Variants in SIPA1L1 observed in about 807,000 individuals in gnomAD.
SIPA1L1 encodes the protein signal induced proliferation associated 1 like 1.
SIPA1L1 carries 26 observed loss-of-function variants against 162.7 expected under a neutral mutation model. The observed-to-expected ratio is 0.16, with a 90% CI of 0.12 to 0.22. The LOEUF (loss-of-function observed/expected upper bound fraction) is 0.22. Ranked by LOEUF, SIPA1L1 falls within the 10% of genes least tolerant of loss-of-function variation. SIPA1L1 has a pLI of 1.00. For synonymous variants in SIPA1L1, 829 were observed against 837.4 expected (o/e 0.99, Z 0.17); for missense variants, 1,874 against 2,241.0 (o/e 0.84, Z 3.31).
chr14:71,466,365 G>A (rs956588888), intron 2 of SIPA1L1, among the ~76,000 whole-genome samples: 11 of 152,140 alleles, frequency 7.2e-5, no homozygotes, highest in African/African-American at 4.8e-5. Context: ...GAAGACAGGC[G>A]GATTGCATCT....
intron 2 of SIPA1L1, among the ~76,000 whole-genome samples, chr14:71,353,338 G>A (rs2036906989): frequency 6.6e-6 from 1 of 152,158 alleles, no homozygotes; most frequent in South Asian, 2.1e-4. Context: ...AATCATACAG[G>A]TGTCTGACCT....
chr14:71,515,603 A>G (rs924037062), intron 3 of SIPA1L1, among the ~76,000 whole-genome samples: 2 of 152,174 alleles, frequency 1.3e-5, no homozygotes, highest in African/African-American at 4.8e-5. Context: ...TGTAACCCAC[A>G]TAATATGGTC....
At position 71,346,267 on chromosome 14, in the gene SIPA1L1, CTA is replaced by C. The variant is rs1411159280; in HGVS notation, c.-465+25090_-465+25091del. Among the ~76,000 whole-genome samples the C allele has an allele frequency of 4.6e-5, 7 of 152,212 alleles. No homozygotes were observed. The South Asian group carries it at 1.2e-3, about 27-fold the overall frequency. ...GTAGTTTATAAATGGTGTGTTTAAA[CTA>C]TATGTGTGGAAATCTCAACCCTGTA... On this transcript the variant is annotated intron_variant, in intron 2 of 23. Transcript: ENST00000381232.
In SIPA1L1 at chr14:71,658,440, A is replaced by G; in HGVS notation, c.2097+4A>G. 9 of 1,502,182 alleles carry G rather than the reference A, an allele frequency of 6.0e-6. No individual in the cohort carries two copies. Among genetic ancestry groups the G allele is most frequent in the Non-Finnish European group, 7.4e-6 (8 of 1,078,082 alleles). The allele number at this position is 1,502,182 out of a possible 1,614,324, so 93.1% of individuals were successfully genotyped here. A position where few individuals can be genotyped will look rare whatever the true frequency, so the allele number is the denominator to read the frequency against. ...CACACCCAACAACAAACAACAGGTA[A>G]GAGATCCTCCTGTTATCTGTGTTTT... On this transcript the variant is annotated splice_donor_region_variant and intron_variant, in intron 9 of 23. Coordinates refer to ENST00000381232, the MANE Select transcript of SIPA1L1 (RefSeq NM_001386936.1).
chr14:71,598,597 CT>C (rs1338085654), intron 5 of SIPA1L1, among the ~76,000 whole-genome samples: 1 of 152,290 alleles, frequency 6.6e-6, no homozygotes, highest in African/African-American at 2.4e-5. Context: ...GACTAAGGAA[CT>C]CTTAGAATCT....
chr14:71,717,988 C>T (rs982202453), intron 17 of SIPA1L1, among the ~76,000 whole-genome samples: 10 of 152,174 alleles, frequency 6.6e-5, no homozygotes, highest in African/African-American at 1.4e-4. Context: ...ACTGCTGCCG[C>T]GACTTCACCT....
At chr14:71,601,101 AC>A (rs2036695943) in intron 5 of SIPA1L1, among the ~76,000 whole-genome samples, 1 of 151,914 alleles carries the variant, frequency 6.6e-6, no homozygotes, top group Non-Finnish European at 1.5e-5. Context: ...TCTTTCTTTT[AC>A]CTGATTGCTC....
At chr14:71,715,071 G>T (rs768553907) in intron 17 of SIPA1L1, among the ~76,000 whole-genome samples, 2 of 152,200 alleles carry the variant, frequency 1.3e-5, no homozygotes, top group Non-Finnish European at 2.9e-5. Flanking sequence ...GGCCCTGCTT[G>T]CCTTAACCTA....
At chr14:71,654,979 A>T (rs191882010) in intron 8 of SIPA1L1, among the ~76,000 whole-genome samples, 3 of 152,288 alleles carry the variant, frequency 2.0e-5, no homozygotes, top group Non-Finnish European at 1.5e-5. Context: ...TCGGGAGGAC[A>T]TGTCCAGGTT....
At chr14:71,656,399 G>A (rs181489558) in intron 8 of SIPA1L1, among the ~76,000 whole-genome samples, 12 of 151,882 alleles carry the variant, frequency 7.9e-5, no homozygotes, top group Non-Finnish European at 1.5e-4. Context: ...ATAAGTACAC[G>A]TCAGTGGTGA....
rs200274153 is a variant in SIPA1L1 at position 71,545,076 on chromosome 14, T to C, written c.-303+15706T>C. Among the ~76,000 whole-genome samples, 18 of 152,224 alleles carry C rather than the reference T, an allele frequency of 1.2e-4. No homozygotes were observed. The East Asian group carries it at 2.9e-3, about 24-fold the overall frequency. On this transcript the variant is annotated intron_variant, in intron 4 of 23. Transcript: ENST00000381232. ...TATCTCACTATGTTGCTCAGGCTGG[T>C]CTCAAACTTCTGGACTCAAGCAGTC...
intron 2 of SIPA1L1, among the ~76,000 whole-genome samples, chr14:71,496,072 G>GC (rs2049750531): frequency 7.7e-6 from 1 of 129,574 alleles, no homozygotes; most frequent in Admixed American, 8.0e-5. Flanking sequence ...TAAAAAAAAA[G>GC]AAAAAAAAAA....
At chr14:71,584,748 TTAGA>T (rs1490557205) in intron 4 of SIPA1L1, among the ~76,000 whole-genome samples, 1 of 152,236 alleles carries the variant, frequency 6.6e-6, no homozygotes, top group African/African-American at 2.4e-5. Flanking sequence ...TACCATAGAC[TTAGA>T]TAGTATCTAG....
chr14:71,488,709 T>C (rs2048977414), intron 2 of SIPA1L1, among the ~76,000 whole-genome samples: 1 of 152,214 alleles, frequency 6.6e-6, no homozygotes, highest in African/African-American at 2.4e-5. Flanking sequence ...TTGGTCAGTG[T>C]AGGCTGTGAA....
chr14:71,704,782 A>G, intron 15 of SIPA1L1: 6 of 1,604,628 alleles, frequency 3.7e-6, no homozygotes, highest in Non-Finnish European at 5.1e-6. Flanking sequence ...ATGAATATAC[A>G]GGTAAAATAT....
chr14:71,644,795 T>C (rs992811977), intron 7 of SIPA1L1, among the ~76,000 whole-genome samples: 1 of 152,218 alleles, frequency 6.6e-6, no homozygotes, highest in Admixed American at 6.5e-5. Flanking sequence ...TTGTTTTTCC[T>C]GAAGTAACAG....
chr14:71,371,399 T>G (rs936025742), intron 2 of SIPA1L1, among the ~76,000 whole-genome samples: 4 of 152,140 alleles, frequency 2.6e-5, no homozygotes, highest in Admixed American at 1.3e-4. Flanking sequence ...TTATTTTTAT[T>G]TTTTTAGAGA....
intron 2 of SIPA1L1, among the ~76,000 whole-genome samples, chr14:71,344,033 A>G (rs1167277393): frequency 6.6e-6 from 1 of 152,250 alleles, no homozygotes; most frequent in Non-Finnish European, 1.5e-5. Context: ...TGGAGAATTT[A>G]TAATAGGAGA....
At chr14:71,673,335 A>G (rs1056064897) in intron 12 of SIPA1L1, among the ~76,000 whole-genome samples, 14 of 152,216 alleles carry the variant, frequency 9.2e-5, no homozygotes, top group Admixed American at 3.3e-4. Context: ...TTGGACATGC[A>G]CATGCTATTT....
Sources: gnomAD v4.1 joint callset for allele counts (sites outside exome capture counted in the v4.1 genomes callset) on GRCh38, gnomAD v4.1.1 for gene constraint, MANE v1.5 for transcripts, NCBI Gene and HGNC (gene_info 2026-07-23, HGNC 2026-07-21) for gene names.